PDSS1: variants seen among roughly 807,000 people sequenced by gnomAD.
PDSS1 encodes all trans-polyprenyl-diphosphate synthase PDSS1.
Under a neutral mutation model 57.5 loss-of-function variants are expected in PDSS1, and 43 were observed. The ratio of observed to expected loss-of-function variants is 0.75; its 90% CI spans 0.59 to 0.96. PDSS1 has a LOEUF of 0.96. PDSS1 is among the 50% of genes least tolerant of loss of function. The pLI, the probability that PDSS1 is intolerant of heterozygous loss-of-function variation, is 0.00. For synonymous variants in PDSS1, 175 were observed against 191.3 expected (o/e 0.91, Z 0.70); for missense variants, 438 against 527.8 (o/e 0.83, Z 1.67).
At chr10:26,727,469 A>G (rs1835996033) in intron 8 of PDSS1, among the ~76,000 whole-genome samples, 1 of 151,146 alleles carries the variant, frequency 6.6e-6, no homozygotes. Context: ...ATTGTGGGTC[A>G]CATTAGCAGA....
At chr10:26,718,822 G>A (rs1835688942) in intron 5 of PDSS1, 1 of 151,274 alleles carries the variant, frequency 6.6e-6, no homozygotes, top group South Asian at 2.1e-4. Context: ...GCTGAGAGCA[G>A]TTGAAAGGGT....
rs2132231934 is a variant in PDSS1, at chr10:26,709,737, C to T, written c.436C>T (p.Arg146Ter). Residue 146 changes from arginine to a stop codon, truncating the protein, a stop_gained, in exon 5 of 12, where the codon CGA (arginine) becomes TGA (stop). Coordinates refer to ENST00000376215, the MANE Select transcript of PDSS1 (RefSeq NM_014317.5). LOFTEE classifies it high-confidence loss of function. ...FRPIIVALMARACNIHHNNSR... is the reference protein window; with the variant it reads ...FRPIIVALMA The stretch of plus-strand genomic sequence containing the variant: ...ACCAATTATTGTGGCGCTAATGGCC[C>T]GAGCATGCAATATTCATCATAACAA... 1.2e-6 allele frequency: 2 copies of T among 1,613,816 alleles called. No homozygotes were observed. The highest frequency in any genetic ancestry group is 1.7e-6 in the Non-Finnish European group (2 of 1,179,834).
chr10:26,735,471 A>G lies in PDSS1; in HGVS notation c.918A>G (p.Ile306Met), dbSNP rs1836364372. ...CCCATTTTTCCTTTTGCCAGCTAAT[A>G]GATGATGTATTGGACTTCACCTCGT... The part of the protein sequence containing the change: ...GKNVGIAFQL[I>M]DDVLDFTSCS... The change falls in exon 10 of 12, where the codon ATA becomes ATG. Residue 306 changes from isoleucine (I) to methionine (M), a missense_variant. This residue lies in a region of PDSS1 where 284 missense variants were observed against 390.7 expected (regional missense o/e 0.73). Transcript: ENST00000376215. 6.2e-7 allele frequency: 1 copy of G among 1,604,758 alleles called. No homozygotes were observed. The highest frequency in any genetic ancestry group is 1.1e-5 in the South Asian group (1 of 90,912).
intron 2 of PDSS1, among the ~76,000 whole-genome samples, chr10:26,703,053 T>C (rs1835095703): frequency 6.6e-6 from 1 of 152,232 alleles, no homozygotes; most frequent in East Asian, 1.9e-4. Context: ...TAAATGTATA[T>C]TGTGTACCAG....
chr10:26,734,262 G>A (rs570422612), intron 8 of PDSS1, among the ~76,000 whole-genome samples: 73 of 152,372 alleles, frequency 4.8e-4, no homozygotes, highest in African/African-American at 1.5e-3. Context: ...AGGCACGACC[G>A]AAGGTCAGGG....
At chr10:26,740,161 T>TAAAAAAAA (rs1564436809) in intron 10 of PDSS1, among the ~76,000 whole-genome samples, 2 of 148,428 alleles carry the variant, frequency 1.3e-5, no homozygotes, top group African/African-American at 5.0e-5. Flanking sequence ...AAAAAAAAAT[T>TAAAAAAAA]AAAAAATTAG....
At chr10:26,745,176 A>G (rs1271141421) in intron 11 of PDSS1, among the ~76,000 whole-genome samples, 1 of 152,096 alleles carries the variant, frequency 6.6e-6, no homozygotes, top group Non-Finnish European at 1.5e-5. Context: ...AAAAAATTTA[A>G]AAAAAATAAA....
At position 26,697,780 on chromosome 10, in the gene PDSS1, C is replaced by G. The variant is rs905436294; in HGVS notation, c.69C>G (p.Pro23=). ...SWKPAARSPG[P]GSPGRAGPLG... is the part of the protein sequence containing the mutation. The stretch of plus-strand genomic sequence containing the variant: ...AGCCGGCGGCGCGGAGCCCCGGGCC[C>G]GGCTCCCCCGGCCGTGCGGGACCGT... The change falls in exon 1 of 12, where the codon CCC becomes CCG. Residue 23 remains proline (P), a synonymous_variant. Coordinates refer to ENST00000376215, the MANE Select transcript of PDSS1 (RefSeq NM_014317.5). 3.1e-6 allele frequency: 4 copies of G among 1,299,212 alleles called. No individual in the cohort carries two copies. Among genetic ancestry groups the G allele is most frequent in the Non-Finnish European group, 3.9e-6 (4 of 1,028,388 alleles). The allele number at this position is 1,299,212 out of a possible 1,614,324, so 80.5% of individuals were successfully genotyped here.
At chr10:26,728,704 A>G (rs1418046611) in intron 8 of PDSS1, among the ~76,000 whole-genome samples, 2 of 151,474 alleles carry the variant, frequency 1.3e-5, no homozygotes, top group East Asian at 3.9e-4. Flanking sequence ...AAAAGAGCTG[A>G]AGAGTTGGTA....
chr10:26,742,773 G>A (rs1404052478), intron 11 of PDSS1, among the ~76,000 whole-genome samples, 196 bp downstream of exon 11: 8 of 151,764 alleles, frequency 5.3e-5, no homozygotes, highest in Non-Finnish European at 1.2e-4. Context: ...GACTACTTAC[G>A]AAATGTTTTG....
chr10:26,733,435 G>A (rs182882471), intron 8 of PDSS1, among the ~76,000 whole-genome samples: 3 of 152,140 alleles, frequency 2.0e-5, no homozygotes, highest in Non-Finnish European at 4.4e-5. Flanking sequence ...GGTGGTTGCT[G>A]TTGAAAGCAG....
At chr10:26,742,156 C>T (rs776524942) in intron 10 of PDSS1, among the ~76,000 whole-genome samples, 3 of 152,216 alleles carry the variant, frequency 2.0e-5, no homozygotes, top group Non-Finnish European at 4.4e-5. Flanking sequence ...GGATTACAGG[C>T]GTGTGCCACC....
intron 1 of PDSS1, among the ~76,000 whole-genome samples, chr10:26,700,266 C>T (rs1272613232): frequency 2.0e-5 from 3 of 149,554 alleles, no homozygotes; most frequent in South Asian, 2.2e-4. Context: ...CCCCCCACCC[C>T]GCTTGAGGAT....
At chr10:26,707,644 T>C (rs1368878834) in intron 4 of PDSS1, among the ~76,000 whole-genome samples, 2 of 152,208 alleles carry the variant, frequency 1.3e-5, no homozygotes, top group Admixed American at 6.5e-5. Flanking sequence ...TCCTTTAATT[T>C]TGCCATTCCC....
chr10:26,708,513 C>T (rs1026445226), intron 4 of PDSS1, among the ~76,000 whole-genome samples: 3 of 152,176 alleles, frequency 2.0e-5, no homozygotes, highest in South Asian at 2.1e-4. Flanking sequence ...CCACTGTATT[C>T]GTCATTGATT....
chr10:26,704,239 ACT>A (rs1292205243), intron 2 of PDSS1, among the ~76,000 whole-genome samples: 1 of 152,082 alleles, frequency 6.6e-6, no homozygotes, highest in Non-Finnish European at 1.5e-5. Flanking sequence ...GTGCTTTCAA[ACT>A]CTGTTCTCCC....
chr10:26,728,073 G>T (rs531659638), intron 8 of PDSS1, among the ~76,000 whole-genome samples: 1 of 152,052 alleles, frequency 6.6e-6, no homozygotes, highest in Non-Finnish European at 1.5e-5. Context: ...GGATACTGTC[G>T]GGCCGGGCAC....
chr10:26,746,369 C>T lies in PDSS1; in HGVS notation c.1144C>T (p.Gln382Ter). ...GVQQTTYLAQ[Q>*]YCHEAIREIS... ...GCAACAAACAACCTACCTCGCCCAGCAGTACTGCCATGAAGCAATAAGAGA... is the reference window on the plus strand; with the variant it reads ...GCAACAAACAACCTACCTCGCCCAGTAGTACTGCCATGAAGCAATAAGAGA... Residue 382 changes from glutamine (Q) to a stop codon, truncating the protein, a stop_gained, in exon 12 of 12, where the codon CAG becomes TAG. Coordinates refer to ENST00000376215, the MANE Select transcript of PDSS1 (RefSeq NM_014317.5). LOFTEE classifies it high-confidence loss of function. The T allele has an allele frequency of 1.2e-6, 2 of 1,614,036 alleles. No individual in the cohort carries two copies. The highest frequency in any genetic ancestry group is 1.7e-6 in the Non-Finnish European group (2 of 1,179,884).
rs1339338146 is a variant in PDSS1, at chr10:26,712,800, A to G, written c.467+3032A>G. On this transcript the variant is annotated intron_variant, in intron 5 of 11. Transcript: ENST00000376215. ...AGCACCATCCATGTTCAGTGCCAAG[A>G]GAGCCCCTCCAGCCTCAGTGGCCCC... Among the ~76,000 whole-genome samples, 3 of 98,300 alleles carry G rather than the reference A, an allele frequency of 3.1e-5. 1 individual carries two copies. Among genetic ancestry groups the G allele is most frequent in the African/African-American group, 9.9e-5 (3 of 30,278 alleles). The allele number at this position is 98,300 out of a possible 152,430, so 64.5% of individuals were successfully genotyped here. A position where few individuals can be genotyped will look rare whatever the true frequency, so the allele number is the denominator to read the frequency against.
Sources: gnomAD v4.1 joint callset for allele counts (sites outside exome capture counted in the v4.1 genomes callset) on GRCh38, gnomAD v4.1.1 for gene constraint, gnomAD v4.1.1 regional missense constraint, MANE v1.5 for transcripts, NCBI Gene and HGNC (gene_info 2026-07-23, HGNC 2026-07-21) for gene names.